The following DNAAF11 variants were observed in gnomAD, a reference collection of about 807,000 sequenced individuals.
The protein encoded by DNAAF11 is dynein axonemal assembly factor 11, also known as leucine rich repeat containing 6.
A neutral mutation model predicts 60.8 loss-of-function variants in DNAAF11; 45 were observed. The ratio of observed to expected loss-of-function variants is 0.74; its 90% CI spans 0.58 to 0.95. The LOEUF is 0.95. DNAAF11 is among the 40% of genes least tolerant of loss of function. The probability of loss-of-function intolerance (pLI) is 0.00; values close to 1 mark genes in which losing one functional copy is unlikely to be tolerated. For synonymous variants in DNAAF11, 191 were observed against 183.5 expected, an observed-to-expected ratio of 1.04 and a Z score of -0.33; for missense variants, 546 against 546.2, an observed-to-expected ratio of 1.00 and a Z score of 0.00.
At chr8:132,694,697 C>G in the DNAAF11 span, among the ~76,000 whole-genome samples, 2 of 152,174 alleles carry the variant, frequency 1.3e-5, no homozygotes, top group East Asian at 3.8e-4. Context: ...ACTACAAACT[C>G]TATTTTGGAC....
intron 7 of DNAAF11, among the ~76,000 whole-genome samples, chr8:132,621,268 A>G (rs1430217927): frequency 6.6e-6 from 1 of 152,148 alleles, no homozygotes; most frequent in Non-Finnish European, 1.5e-5. Context: ...AAACGGTGGA[A>G]GCTTCAGGCT....
chr8:132,669,857 C>T (rs1414191719), intron 1 of DNAAF11, among the ~76,000 whole-genome samples: 1 of 148,294 alleles, frequency 6.7e-6, no homozygotes, highest in Non-Finnish European at 1.5e-5. Context: ...AGGAGAATGG[C>T]GTGAACCCAG....
chr8:132,651,012 C>T (rs755581629), intron 3 of DNAAF11, among the ~76,000 whole-genome samples: 1 of 152,190 alleles, frequency 6.6e-6, no homozygotes, highest in Non-Finnish European at 1.5e-5. Context: ...TCTTGCCAAA[C>T]TGGCCAAGCT....
At chr8:132,630,224 T>C (rs1280577428) in intron 5 of DNAAF11, among the ~76,000 whole-genome samples, 1 of 152,114 alleles carries the variant, frequency 6.6e-6, no homozygotes, top group Non-Finnish European at 1.5e-5. Context: ...CTACCAAATA[T>C]CAAGATATGC....
At chr8:132,657,386 T>C (rs865948053) in intron 2 of DNAAF11, among the ~76,000 whole-genome samples, 140 of 152,346 alleles carry the variant, frequency 9.2e-4, no homozygotes, top group African/African-American at 3.2e-3. Context: ...AAGGAATTAC[T>C]ATCTCTATTG....
intron 10 of DNAAF11, among the ~76,000 whole-genome samples, chr8:132,592,364 T>C (rs1816556392): frequency 5.3e-5 from 8 of 152,122 alleles, no homozygotes; most frequent in Admixed American, 5.2e-4. Flanking sequence ...AATATCCAAT[T>C]GAAAGGAGGA....
intron 7 of DNAAF11, among the ~76,000 whole-genome samples, chr8:132,619,593 G>C (rs1376748057): frequency 6.6e-6 from 1 of 152,212 alleles, no homozygotes; most frequent in Non-Finnish European, 1.5e-5. Context: ...ATGCACAGAA[G>C]TGGTTTCAAG....
At chr8:132,597,652 C>T (rs1440405425) in intron 10 of DNAAF11, among the ~76,000 whole-genome samples, 1 of 152,078 alleles carries the variant, frequency 6.6e-6, no homozygotes, top group African/African-American at 2.4e-5. Context: ...GAGAGGATGC[C>T]CATGATTTGG....
At chr8:132,650,715 A>G (rs943473768) in intron 3 of DNAAF11, among the ~76,000 whole-genome samples, 1 of 152,210 alleles carries the variant, frequency 6.6e-6, no homozygotes, top group African/African-American at 2.4e-5. Context: ...TGTAGAAGAT[A>G]TATTTGGGGT....
At chr8:132,674,151 G>GAGGAGA (rs1825506997) in intron 1 of DNAAF11, among the ~76,000 whole-genome samples, 1 of 107,302 alleles carries the variant, frequency 9.3e-6, no homozygotes, top group African/African-American at 5.1e-5. Flanking sequence ...GGAGGAAGAG[G>GAGGAGA]AGGAGGAGAA....
the DNAAF11 span, among the ~76,000 whole-genome samples, chr8:132,694,639 A>G: frequency 6.6e-6 from 1 of 152,248 alleles, no homozygotes; most frequent in East Asian, 1.9e-4. Context: ...CACTGCCATT[A>G]ACTAAGATAG....
In DNAAF11 at chr8:132,656,735, G is replaced by A. The variant is rs1823611994; in HGVS notation, c.256+95C>T. 5.2e-6 allele frequency: 3 copies of A among 579,472 alleles called. No homozygotes were observed. In the South Asian group the frequency reaches 5.3e-5, roughly 10 times the overall value. 35.9% of individuals were successfully genotyped at this position (579,472 alleles called of 1,614,324 possible). A position where few individuals can be genotyped will look rare whatever the true frequency, so the allele number is the denominator to read the frequency against. On this transcript the variant is annotated intron_variant, in intron 3 of 11. Coordinates refer to ENST00000620350, the MANE Select transcript of DNAAF11 (RefSeq NM_012472.6). ...GATCTGCCCGCCTTGGCCTCCCAAA[G>A]TGCTGGGATTACAGGCGTGAGCCAC...
intron 10 of DNAAF11, among the ~76,000 whole-genome samples, chr8:132,587,451 A>T (rs1338123202): frequency 3.9e-5 from 6 of 152,142 alleles, no homozygotes; most frequent in Non-Finnish European, 7.3e-5. Context: ...ATAGTAGGTT[A>T]CCTTTTCTGA....
chr8:132,679,895 C>T (rs1825840992), upstream of DNAAF11, among the ~76,000 whole-genome samples: 1 of 152,144 alleles, frequency 6.6e-6, no homozygotes, highest in Non-Finnish European at 1.5e-5. Context: ...TGGACATTGC[C>T]CAGTCTCAGG....
chr8:132,592,484 G>C (rs1816567698), intron 10 of DNAAF11, among the ~76,000 whole-genome samples: 1 of 152,156 alleles, frequency 6.6e-6, no homozygotes. Context: ...TAGAAGGGGA[G>C]ACAGTAGGAG....
Position 132,583,743 on chromosome 8 carries a change from T to C in DNAAF11, c.1177A>G (p.Lys393Glu). 1 of 1,613,968 alleles carries C rather than the reference T, an allele frequency of 6.2e-7. No homozygotes were observed. Among genetic ancestry groups the C allele is most frequent in the Non-Finnish European group, 8.5e-7 (1 of 1,179,900 alleles). The change falls in exon 11 of 12, where the codon AAA becomes GAA. Residue 393 changes from lysine (K) to glutamate (E), a missense_variant. Lys to Glu is a moderately conservative substitution (Grantham distance 56). Coordinates refer to ENST00000620350, the MANE Select transcript of DNAAF11 (RefSeq NM_012472.6). Reference sequence around the variant, plus strand: ...CTGTCCGAGGTAGTTTTCATAGATTTGAATGCTCGCTGACCACCTGTGATT... The same window carrying C: ...CTGTCCGAGGTAGTTTTCATAGATTCGAATGCTCGCTGACCACCTGTGATT... ...EVITGGQRAF[K>E]SMKTTSDRSR...
At chr8:132,667,452 T>C (rs911247481) in intron 1 of DNAAF11, among the ~76,000 whole-genome samples, 1 of 152,252 alleles carries the variant, frequency 6.6e-6, no homozygotes, top group African/African-American at 2.4e-5. Context: ...TTTGGAAGCA[T>C]TAATATGTTA....
intron 1 of DNAAF11, chr8:132,675,217 GC>G: frequency 2.4e-6 from 1 of 423,188 alleles, no homozygotes; most frequent in Non-Finnish European, 4.3e-6. Flanking sequence ...GGAGTCCAGT[GC>G]CTTTCTGCCT....
Position 132,658,886 on chromosome 8 carries a change from G to T in DNAAF11, c.179-1979C>A, listed in dbSNP as rs183289470. ...TTGGACACAGCGGGTTAAAAAAAAG[G>T]CTCTGTAAGTCAAAATGGAAGAGCC... On this transcript the variant is annotated intron_variant, in intron 2 of 11. Coordinates refer to ENST00000620350, the MANE Select transcript of DNAAF11 (RefSeq NM_012472.6). Among the ~76,000 whole-genome samples the T allele has an allele frequency of 2.1e-3, 322 of 152,240 alleles. 1 individual carries two copies. Among genetic ancestry groups the T allele is most frequent in the African/African-American group, 7.2e-3 (297 of 41,536 alleles).
Sources: gnomAD v4.1 joint callset for allele counts (sites outside exome capture counted in the v4.1 genomes callset) on GRCh38, gnomAD v4.1.1 for gene constraint, MANE v1.5 for transcripts, NCBI Gene and HGNC (gene_info 2026-07-23, HGNC 2026-07-21) for gene names.